ACACA: variants seen among roughly 807,000 people sequenced by gnomAD.
ACACA encodes acetyl-CoA carboxylase 1.
In ACACA, 103 loss-of-function variants were observed where a neutral mutation model predicts 296.1. The ratio of observed to expected loss-of-function variants is 0.35; its 90% CI spans 0.30 to 0.41. The LOEUF (loss-of-function observed/expected upper bound fraction) is 0.41, where lower values mean the gene tolerates loss of function less well. Among genes scored for constraint, ACACA ranks in the 10% least tolerant of loss-of-function variants. The pLI is 1.00. For synonymous variants in ACACA, 953 were observed against 1,038.6 expected (o/e 0.92, Z 1.58); for missense variants, 1,554 against 2,989.7 (o/e 0.52, Z 11.20).
At chr17:37,245,598 C>A (rs566906839) in intron 19 of ACACA, among the ~76,000 whole-genome samples, 1 of 152,238 alleles carries the variant, frequency 6.6e-6, no homozygotes, top group South Asian at 2.1e-4. Context: ...CCTTACCTAC[C>A]AATTACCAAC....
At chr17:37,311,460 AG>A (rs1375776828) in intron 3 of ACACA, among the ~76,000 whole-genome samples, 1 of 152,166 alleles carries the variant, frequency 6.6e-6, no homozygotes, top group Non-Finnish European at 1.5e-5. Context: ...ATATGCATGA[AG>A]AAAAAATGAG....
rs745638790 is a variant in ACACA at position 37,248,142 on chromosome 17, G to A, written c.2178C>T (p.Ser726=). The change falls in exon 18 of 56, where the codon TCC becomes TCT. Residue 726 remains serine (S), a synonymous_variant. Transcript: ENST00000616317. The part of the protein sequence containing the change: ...VKYVLKVTRQ[S]PNSYVVIMNG... The stretch of plus-strand genomic sequence containing the variant: ...TCATGATCACCACATAGGAGTTGGG[G>A]GACTGTCGAGTCACCTGTAGGGAAT... The A allele has an allele frequency of 5.0e-6, 8 of 1,614,160 alleles. No homozygotes were observed. The highest frequency in any genetic ancestry group is 6.8e-6 in the Non-Finnish European group (8 of 1,180,022).
chr17:37,354,382 C>G (rs2049037731), intron 1 of ACACA, among the ~76,000 whole-genome samples: 3 of 152,270 alleles, frequency 2.0e-5, no homozygotes, highest in Middle Eastern at 3.4e-3. Flanking sequence ...CTTAAACATC[C>G]TAAGACTAGA....
chr17:37,210,600 T>C, intron 29 of ACACA, 110 bp from the exon 30 acceptor site: 1 of 998,044 alleles, frequency 1.0e-6, no homozygotes, highest in Non-Finnish European at 1.6e-6. Context: ...TTGGCAGCTC[T>C]GGCATTCAGC....
At chr17:37,382,363 T>A (rs1363252550) in intron 1 of ACACA, among the ~76,000 whole-genome samples, 1 of 151,980 alleles carries the variant, frequency 6.6e-6, no homozygotes, top group Non-Finnish European at 1.5e-5. Context: ...TATAGTTTTT[T>A]TTTTTCTTTA....
chr17:37,392,108 C>G (rs927371259), intron 1 of ACACA: 1 of 205,172 alleles, frequency 4.9e-6, no homozygotes, highest in Admixed American at 5.2e-5. Flanking sequence ...ATCTTCACAG[C>G]TGACTTCACA....
At chr17:37,087,816 T>A (rs2072317985) in intron 55 of ACACA, among the ~76,000 whole-genome samples, 1 of 151,486 alleles carries the variant, frequency 6.6e-6, no homozygotes, top group Non-Finnish European at 1.5e-5. Flanking sequence ...TCGGCAGGAG[T>A]GAGGACTGAG....
intron 5 of ACACA, 52 bp from the exon 6 acceptor site, chr17:37,278,057 T>A: frequency 7.2e-7 from 1 of 1,391,238 alleles, no homozygotes; most frequent in Non-Finnish European, 1.0e-6. Flanking sequence ...TTTCCAGAAA[T>A]ATAATTGCAC....
intron 52 of ACACA, among the ~76,000 whole-genome samples, chr17:37,099,663 G>A (rs1395033205): frequency 6.6e-6 from 1 of 151,124 alleles, no homozygotes; most frequent in Non-Finnish European, 1.5e-5. Context: ...AGGGCTGATG[G>A]AGGGAGGGCT....
chr17:37,362,440 A>C (rs2049438400), intron 1 of ACACA, among the ~76,000 whole-genome samples: 1 of 152,240 alleles, frequency 6.6e-6, no homozygotes, highest in Non-Finnish European at 1.5e-5. Context: ...CTATTTAAGA[A>C]GACAAAACTA....
chr17:37,218,131 C>T (rs564852843), intron 29 of ACACA, among the ~76,000 whole-genome samples: 84 of 121,782 alleles, frequency 6.9e-4, no homozygotes, highest in African/African-American at 2.3e-3. Flanking sequence ...CCTCTCTCCA[C>T]GGGCACTACC....
intron 2 of ACACA, among the ~76,000 whole-genome samples, chr17:37,336,824 T>C (rs1261547493): frequency 6.6e-6 from 1 of 152,214 alleles, no homozygotes; most frequent in Non-Finnish European, 1.5e-5. Context: ...TGGACAACAG[T>C]GTTCCTTGAC....
At chr17:37,314,786 A>G (rs2047008297) in intron 3 of ACACA, among the ~76,000 whole-genome samples, 1 of 150,742 alleles carries the variant, frequency 6.6e-6, no homozygotes, top group African/African-American at 2.4e-5. Flanking sequence ...GACTACAGGT[A>G]CATGTCCCCA....
chr17:37,206,719 T>G (rs551717835), intron 32 of ACACA, 64 bp downstream of exon 32: 96 of 1,298,768 alleles, frequency 7.4e-5, no homozygotes, highest in Non-Finnish European at 8.7e-5. Context: ...GTCAGAAAGA[T>G]AGTATACAGT....
rs368997060 is a variant in ACACA at position 37,313,031 on chromosome 17, T to C, written c.338+17142A>G. ...TCTTTCCTTGATGAACTCCTAGACA[T>C]TTTCCTGACTAATGGAGTCCCAGTT... On this transcript the variant is annotated intron_variant, in intron 3 of 55. Transcript: ENST00000616317. Among the ~76,000 whole-genome samples the C allele has an allele frequency of 1.1e-4, 16 of 152,292 alleles. No homozygotes were observed. In the East Asian group the frequency reaches 2.3e-3, roughly 22 times the overall value.
intron 1 of ACACA, among the ~76,000 whole-genome samples, chr17:37,342,344 G>A (rs559025019): frequency 1.2e-4 from 16 of 135,216 alleles, no homozygotes; most frequent in African/African-American, 3.1e-4. Context: ...GGAAGCGGAC[G>A]TTGCAGTGAG....
chr17:37,248,580 G>GGGTT lies in ACACA; in HGVS notation c.2163+9_2163+12dup. The GGGTT allele has an allele frequency of 1.3e-6, 2 of 1,575,186 alleles. No homozygotes were observed. Among genetic ancestry groups the GGGTT allele is most frequent in the African/African-American group, 2.7e-5 (2 of 74,158 alleles). ...AAAAAGTAAGGTGCAAGCTCCAATG[G>GGGTT]GGTTCTGCATACCTTAAGTACATAC... On this transcript the variant is annotated intron_variant, in intron 17 of 55. Coordinates refer to ENST00000616317, the MANE Select transcript of ACACA (RefSeq NM_198834.3).
At chr17:37,260,524 G>C (rs551018896) in intron 11 of ACACA, among the ~76,000 whole-genome samples, 2 of 149,598 alleles carry the variant, frequency 1.3e-5, no homozygotes, top group African/African-American at 2.5e-5. Context: ...GGCTGGTCTC[G>C]AACTCTTGAT....
At chr17:37,331,281 C>G (rs1437320865) in intron 2 of ACACA, among the ~76,000 whole-genome samples, 2 of 151,314 alleles carry the variant, frequency 1.3e-5, no homozygotes, top group Admixed American at 1.3e-4. Flanking sequence ...CAACACCCAG[C>G]TAATTTTTTG....
Sources: allele counts gnomAD v4.1 joint callset (sites outside exome capture counted in the v4.1 genomes callset), GRCh38; gene constraint gnomAD v4.1.1; transcripts MANE v1.5; gene names NCBI Gene and HGNC (gene_info 2026-07-23, HGNC 2026-07-21).